Variants in NPAS3 observed in about 807,000 individuals in gnomAD.
The protein encoded by NPAS3 is neuronal PAS domain-containing protein 3.
In NPAS3, 14 loss-of-function variants were observed where a neutral mutation model predicts 73.1. That is an observed-to-expected ratio of 0.19 (90% CI 0.13 to 0.30). NPAS3 has a LOEUF of 0.30. Ranked by LOEUF, NPAS3 falls within the 10% of genes least tolerant of loss-of-function variation. The pLI is 1.00. For synonymous variants in NPAS3, 620 were observed against 541.5 expected (o/e 1.14, Z -2.01); for missense variants, 1,096 against 1,250.0 (o/e 0.88, Z 1.86).
At chr14:33,793,832 A>G in intron 9 of NPAS3, 65 bp from the exon 10 acceptor site, 1 of 786,646 alleles carries the variant, frequency 1.3e-6, no homozygotes, top group South Asian at 2.6e-5. Context: ...CAGAGATAAA[A>G]AAAAAAAAAA....
intron 6 of NPAS3, among the ~76,000 whole-genome samples, chr14:33,729,009 G>C (rs2061339279): frequency 6.6e-6 from 1 of 152,166 alleles, no homozygotes; most frequent in South Asian, 2.1e-4. Flanking sequence ...ACGTGTAACT[G>C]AATGCCTACT....
intron 4 of NPAS3, among the ~76,000 whole-genome samples, chr14:33,482,780 C>A (rs917826206): frequency 5.9e-5 from 9 of 152,116 alleles, no homozygotes; most frequent in African/African-American, 2.2e-4. Flanking sequence ...CACTCATGAT[C>A]TCCCTCTGTC....
chr14:33,438,375 C>T (rs1021297673), intron 4 of NPAS3, among the ~76,000 whole-genome samples: 12 of 152,032 alleles, frequency 7.9e-5, no homozygotes, highest in Non-Finnish European at 1.2e-4. Context: ...TAACGGAAGG[C>T]GAACTACTGC....
intron 4 of NPAS3, among the ~76,000 whole-genome samples, chr14:33,524,352 C>T (rs753035644): frequency 1.7e-4 from 26 of 152,130 alleles, no homozygotes; most frequent in Non-Finnish European, 2.8e-4. Flanking sequence ...CACCCTATCC[C>T]AGCACCTTCA....
At chr14:33,038,312 G>T (rs1013688538) in intron 1 of NPAS3, among the ~76,000 whole-genome samples, 3 of 152,056 alleles carry the variant, frequency 2.0e-5, no homozygotes, top group African/African-American at 7.2e-5. Flanking sequence ...GAATGAAAAG[G>T]TCTACCTGGA....
upstream of NPAS3, chr14:32,934,958 A>G (rs751684160): frequency 2.2e-5 from 28 of 1,290,200 alleles, 2 homozygotes; most frequent in South Asian, 5.4e-4. The surrounding 1 kb of genome is among the most constrained non-coding windows in gnomAD (Gnocchi z 4.1). Flanking sequence ...GCCGCGGCCA[A>G]CGGCACCCCG....
intron 3 of NPAS3, among the ~76,000 whole-genome samples, chr14:33,279,218 G>C (rs966811466): frequency 1.1e-4 from 16 of 152,088 alleles, no homozygotes; most frequent in African/African-American, 3.6e-4. Context: ...GAAATCTCTG[G>C]ATAAACTATA....
At position 32,975,894 on chromosome 14, in the gene NPAS3, T is replaced by TGAGA. The variant is rs200270502; in HGVS notation, c.50+36529_50+36530insAGAG. Among the ~76,000 whole-genome samples the TGAGA allele has an allele frequency of 8.9e-4, 124 of 139,636 alleles. 1 individual carries two copies. Among genetic ancestry groups the TGAGA allele is most frequent in the Non-Finnish European group, 1.4e-3 (87 of 63,588 alleles). 91.6% of individuals were successfully genotyped at this position (139,636 alleles called of 152,430 possible). The stretch of plus-strand genomic sequence containing the variant: ...GTGTGTGTGTGTGTGTGTGTGTGTG[T>TGAGA]GTGAGAGAGAGAGAGTTTGCAGACA... On this transcript the variant is annotated intron_variant, in intron 1 of 11. Coordinates refer to ENST00000356141, the Ensembl canonical transcript of NPAS3.
intron 5 of NPAS3, among the ~76,000 whole-genome samples, chr14:33,623,840 A>G (rs2058149222): frequency 6.6e-6 from 1 of 152,158 alleles, no homozygotes; most frequent in African/African-American, 2.4e-5. Context: ...TTTGTTCTTT[A>G]CTTGACTATC....
At position 32,997,003 on chromosome 14, in the gene NPAS3, C is replaced by T. The variant is rs138930119; in HGVS notation, c.50+57637C>T. On this transcript the variant is annotated intron_variant, in intron 1 of 11. Transcript: ENST00000356141. ...GAAAGCAGCTAGGAGGGAGGCTGTA[C>T]CCTGCAAAGCAACAGGGGTGGAGTT... Among the ~76,000 whole-genome samples, 101 of 152,282 alleles carry T rather than the reference C, an allele frequency of 6.6e-4. 2 individuals are homozygous for T. The East Asian group carries it at 0.017, about 25-fold the overall frequency.
At chr14:33,214,797 G>A (rs1368235272) in intron 2 of NPAS3, 1 of 182,048 alleles carries the variant, frequency 5.5e-6, no homozygotes, top group Non-Finnish European at 1.1e-5. Flanking sequence ...ATGAACAGAA[G>A]TATTAGTTTG....
At chr14:33,199,148 G>A (rs12589595) in intron 2 of NPAS3, among the ~76,000 whole-genome samples, 32,972 of 152,094 alleles carry the variant, frequency 0.22, 3,975 homozygotes, top group South Asian at 0.38. Context: ...CAAGCAGAGG[G>A]AGCTGGCTCC....
intron 8 of NPAS3, among the ~76,000 whole-genome samples, chr14:33,774,736 A>G (rs2138474076): frequency 6.6e-6 from 1 of 152,302 alleles, no homozygotes; most frequent in South Asian, 2.1e-4. Flanking sequence ...ACAACAATTA[A>G]ATGAATCGGG....
At chr14:33,024,357 A>G (rs2039723067) in intron 1 of NPAS3, among the ~76,000 whole-genome samples, 1 of 151,866 alleles carries the variant, frequency 6.6e-6, no homozygotes, top group Non-Finnish European at 1.5e-5. Context: ...TTTTTAGTAG[A>G]GAAGGGGTTT....
At chr14:33,392,187 A>T (rs1336056165) in intron 4 of NPAS3, among the ~76,000 whole-genome samples, 1 of 152,196 alleles carries the variant, frequency 6.6e-6, no homozygotes, top group African/African-American at 2.4e-5. Flanking sequence ...TTATAGACAT[A>T]AAATGTAGTT....
At chr14:33,273,319 A>G (rs1373417173) in intron 3 of NPAS3, among the ~76,000 whole-genome samples, 2 of 151,970 alleles carry the variant, frequency 1.3e-5, no homozygotes, top group Non-Finnish European at 2.9e-5. Flanking sequence ...GCCTCTCTCA[A>G]CCTTTCTCTG....
chr14:33,641,784 T>A (rs1454261754), intron 5 of NPAS3, among the ~76,000 whole-genome samples: 1 of 152,156 alleles, frequency 6.6e-6, no homozygotes, highest in Admixed American at 6.5e-5. Flanking sequence ...CAAGGTTTGA[T>A]GCCTATATTT....
intron 3 of NPAS3, among the ~76,000 whole-genome samples, chr14:33,299,630 G>A (rs991501160): frequency 1.3e-5 from 2 of 152,102 alleles, no homozygotes; most frequent in Non-Finnish European, 2.9e-5. Context: ...AGCTCAGTAG[G>A]ATTCTAGTTG....
At chr14:32,984,056 A>G (rs907189441) in intron 1 of NPAS3, among the ~76,000 whole-genome samples, 1 of 152,202 alleles carries the variant, frequency 6.6e-6, no homozygotes, top group African/African-American at 2.4e-5. Context: ...AGAAAAACTT[A>G]TTTAGAAGAG....
Sources: allele counts gnomAD v4.1 joint callset (sites outside exome capture counted in the v4.1 genomes callset), GRCh38; gene constraint gnomAD v4.1.1; non-coding constraint Gnocchi (gnomAD v3.1); transcripts MANE v1.5; gene names NCBI Gene and HGNC (gene_info 2026-07-23, HGNC 2026-07-21).